The following RNLS variants were observed in gnomAD, a reference collection of about 807,000 sequenced individuals.
The protein encoded by RNLS is renalase, FAD dependent amine oxidase.
In RNLS, 39 loss-of-function variants were observed where a neutral mutation model predicts 39.8. The ratio of observed to expected loss-of-function variants is 0.98; its 90% CI spans 0.76 to 1.28. The LOEUF (loss-of-function observed/expected upper bound fraction) is 1.28, where lower values mean the gene tolerates loss of function less well. Among genes scored for constraint, RNLS ranks in the 50% most tolerant of loss-of-function variants. RNLS has a pLI of 0.00. For synonymous variants in RNLS, 147 were observed against 150.7 expected (o/e 0.98, Z 0.18); for missense variants, 410 against 413.3 (o/e 0.99, Z 0.07).
chr10:88,525,549 A>T (rs1847059645), intron 4 of RNLS, among the ~76,000 whole-genome samples: 2 of 152,086 alleles, frequency 1.3e-5, no homozygotes, highest in Non-Finnish European at 2.9e-5. Flanking sequence ...CTGCGTATGT[A>T]GTAGTGCAGT....
At chr10:88,559,224 G>A (rs1333653042) in intron 4 of RNLS, among the ~76,000 whole-genome samples, 1 of 152,064 alleles carries the variant, frequency 6.6e-6, no homozygotes, top group East Asian at 1.9e-4. Flanking sequence ...CATCTTTGTA[G>A]TATAACTTAT....
chr10:88,433,206 A>C (rs1855242361), intron 4 of RNLS, among the ~76,000 whole-genome samples: 1 of 152,044 alleles, frequency 6.6e-6, no homozygotes, highest in Non-Finnish European at 1.5e-5. Flanking sequence ...AAATTCCAAG[A>C]GTTCTGTGAT....
At chr10:88,501,093 C>A (rs1845456495) in intron 4 of RNLS, among the ~76,000 whole-genome samples, 1 of 151,424 alleles carries the variant, frequency 6.6e-6, no homozygotes, top group Admixed American at 6.6e-5. Flanking sequence ...ATAAGTCAGC[C>A]ATTATTATTA....
chr10:88,343,934 T>C (rs1848133953), intron 5 of RNLS: 1 of 451,588 alleles, frequency 2.2e-6, no homozygotes, highest in Admixed American at 6.4e-5. Context: ...CCACAATGCC[T>C]AAAAAAGCCC....
intron 4 of RNLS, among the ~76,000 whole-genome samples, chr10:88,404,999 G>T (rs1018154899): frequency 1.3e-5 from 2 of 151,960 alleles, no homozygotes; most frequent in Non-Finnish European, 2.9e-5. Flanking sequence ...GTAGTATCTG[G>T]GCTTATATTA....
rs12256956 is a variant in RNLS, at chr10:88,290,796, C to T, written c.877-5290G>A. ...TCTGTCCTCTGTGCTGTCTAAAACA[C>T]TGGCAATGTGGCATTTCTTACAAGG... On this transcript the variant is annotated intron_variant, in intron 6 of 6. Coordinates refer to ENST00000331772, the MANE Select transcript of RNLS (RefSeq NM_001031709.3). Among the ~76,000 whole-genome samples the T allele has an allele frequency of 5.0e-3, 759 of 152,290 alleles. 7 individuals are homozygous for T. Among genetic ancestry groups the T allele is most frequent in the African/African-American group, 0.017 (727 of 41,564 alleles).
chr10:88,582,478 G>T (rs924614827), intron 1 of RNLS, among the ~76,000 whole-genome samples, 171 bp from the exon 2 acceptor site: 3 of 152,186 alleles, frequency 2.0e-5, no homozygotes, highest in East Asian at 1.9e-4. Context: ...CATGAACAAT[G>T]TAACAGTGTC....
chr10:88,521,056 C>A (rs1846694273), intron 4 of RNLS, among the ~76,000 whole-genome samples: 1 of 151,984 alleles, frequency 6.6e-6, no homozygotes, highest in South Asian at 2.1e-4. Flanking sequence ...TCAGTTTCTT[C>A]TGGTTCGAAT....
chr10:88,353,121 A>G (rs1848855320), intron 5 of RNLS, among the ~76,000 whole-genome samples: 1 of 152,126 alleles, frequency 6.6e-6, no homozygotes, highest in South Asian at 2.1e-4. Context: ...GTAGCGGTCT[A>G]TCAATTTTGC....
At chr10:88,377,186 C>G (rs990672909) in intron 4 of RNLS, among the ~76,000 whole-genome samples, 2 of 151,690 alleles carry the variant, frequency 1.3e-5, no homozygotes, top group East Asian at 1.9e-4. Flanking sequence ...CTCCACATCT[C>G]TGTGTGTGTG....
intron 4 of RNLS, among the ~76,000 whole-genome samples, chr10:88,378,219 TAA>T (rs993464553): frequency 6.6e-6 from 1 of 151,824 alleles, no homozygotes; most frequent in Non-Finnish European, 1.5e-5. Flanking sequence ...AAAAAAAAAA[TAA>T]GTCTAAGAAG....
chr10:88,343,463 G>GT (rs1219449051), intron 5 of RNLS: 1 of 791,950 alleles, frequency 1.3e-6, no homozygotes, highest in Non-Finnish European at 1.5e-6. Context: ...AATAATGAAA[G>GT]TAGGCAATCA....
At position 88,352,931 on chromosome 10, in the gene RNLS, A is replaced by G. The variant is rs534006318; in HGVS notation, c.700+9621T>C. ...ACTTCTTCCTGGTTTAGTCTTAGGA[A>G]GGTGTATGTGTCCAGGAATTTATCC... On this transcript the variant is annotated intron_variant, in intron 5 of 6. Transcript: ENST00000331772. Among the ~76,000 whole-genome samples the G allele has an allele frequency of 4.6e-5, 7 of 152,194 alleles. No homozygotes were observed. The South Asian group carries it at 1.2e-3, about 27-fold the overall frequency.
At chr10:88,201,438 G>GAACCA in the RNLS span, among the ~76,000 whole-genome samples, 10 of 152,268 alleles carry the variant, frequency 6.6e-5, no homozygotes, top group African/African-American at 2.4e-4. Context: ...GAACACTGAG[G>GAACCA]TTCCATGGTA....
chr10:88,381,798 A>G (rs956269026), intron 4 of RNLS, among the ~76,000 whole-genome samples: 20 of 151,590 alleles, frequency 1.3e-4, no homozygotes, highest in African/African-American at 4.6e-4. Flanking sequence ...GGGTTGGTAA[A>G]CTACCATCCA....
chr10:88,568,949 A>C (rs192759044), intron 4 of RNLS, among the ~76,000 whole-genome samples: 8 of 152,354 alleles, frequency 5.3e-5, no homozygotes, highest in African/African-American at 1.9e-4. Flanking sequence ...GCATACCTCG[A>C]TACAACCAGA....
chr10:88,519,744 G>T lies in RNLS; in HGVS notation c.526+53159C>A, dbSNP rs185212688. On this transcript the variant is annotated intron_variant, in intron 4 of 6. Transcript: ENST00000331772. Reference sequence around the variant, plus strand: ...TATATGATATATATCACATATATATGATATATATCATATATAGATGATACC... The same window carrying T: ...TATATGATATATATCACATATATATTATATATATCATATATAGATGATACC... 3.0e-3 allele frequency among the ~76,000 whole-genome samples: 446 copies of T among 149,938 alleles called. 2 individuals are homozygous for T. The highest frequency in any genetic ancestry group is 0.021 in the Middle Eastern group (6 of 280).
At chr10:88,177,728 G>A in the RNLS span, among the ~76,000 whole-genome samples, 1 of 152,194 alleles carries the variant, frequency 6.6e-6, no homozygotes, top group Non-Finnish European at 1.5e-5. Flanking sequence ...CTATAGAGTT[G>A]CTTTCGCAGG....
At chr10:88,266,714 C>G in the RNLS span, among the ~76,000 whole-genome samples, 2 of 151,022 alleles carry the variant, frequency 1.3e-5, no homozygotes, top group Non-Finnish European at 3.0e-5. Flanking sequence ...CACACACACA[C>G]ACACACACAC....
Sources: allele counts gnomAD v4.1 joint callset (sites outside exome capture counted in the v4.1 genomes callset), GRCh38; gene constraint gnomAD v4.1.1; transcripts MANE v1.5; gene names NCBI Gene and HGNC (gene_info 2026-07-23, HGNC 2026-07-21).